Variants in KCNQ2 observed in about 807,000 individuals in gnomAD.
KCNQ2 encodes potassium voltage-gated channel subfamily Q member 2, also known as potassium voltage-gated channel subfamily KQT member 2.
A neutral mutation model predicts 84.8 loss-of-function variants in KCNQ2; 14 were observed. That is an observed-to-expected ratio of 0.17 (90% CI 0.11 to 0.26). The LOEUF is 0.26. Among genes scored for constraint, KCNQ2 ranks in the 10% least tolerant of loss-of-function variants. The pLI is 1.00. For missense variants in KCNQ2, 788 were observed against 1,254.0 expected (o/e 0.63, Z 5.61); for synonymous variants, 599 against 554.1 (o/e 1.08, Z -1.14).
intron 8 of KCNQ2, among the ~76,000 whole-genome samples, chr20:63,433,162 A>AAC (rs1208837498): frequency 1.3e-5 from 2 of 152,180 alleles, no homozygotes; most frequent in African/African-American, 2.4e-5. Context: ...AAAACAAAAA[A>AAC]ACACGGGAAA....
chr20:63,411,326 C>A (rs939450620), intron 15 of KCNQ2, among the ~76,000 whole-genome samples: 1 of 152,218 alleles, frequency 6.6e-6, no homozygotes. Flanking sequence ...TGGCCAGGCC[C>A]ACCCCCACAG....
intron 1 of KCNQ2, among the ~76,000 whole-genome samples, chr20:63,467,381 G>A (rs571210766): frequency 3.3e-5 from 5 of 152,304 alleles, no homozygotes; most frequent in East Asian, 3.9e-4. Flanking sequence ...GCTGCGGAAC[G>A]TCATTCCTAC....
chr20:63,406,647 C>T lies in KCNQ2; in HGVS notation c.2616G>A (p.Lys872=), dbSNP rs1204643947. The change falls in exon 17 of 17, where the codon AAG becomes AAA. Residue 872 remains lysine (K), a synonymous_variant. Transcript: ENST00000359125. ...FGDVGWAGPR[K] ...GGTCCACTGGCCCAGCGCCGCCTCA[C>T]TTCCTGGGCCCGGCCCAGCCCACGT... is the stretch of plus-strand genomic sequence containing the variant. The T allele has an allele frequency of 6.3e-6, 10 of 1,590,524 alleles. No individual in the cohort carries two copies. The highest frequency in any genetic ancestry group is 1.3e-5 in the African/African-American group (1 of 74,592).
chr20:63,439,769 G>A (rs1250616435), intron 5 of KCNQ2, 61 bp from the exon 6 acceptor site: 19 of 1,304,316 alleles, frequency 1.5e-5, no homozygotes, highest in Middle Eastern at 1.8e-4. Flanking sequence ...GGGCAGGCTG[G>A]ACGCCCGCTG....
At chr20:63,454,891 C>G (rs1568960094) in intron 1 of KCNQ2, among the ~76,000 whole-genome samples, 1 of 152,232 alleles carries the variant, frequency 6.6e-6, no homozygotes, top group Non-Finnish European at 1.5e-5. Flanking sequence ...CTGCCAGAGG[C>G]CTCTCGGGAC....
chr20:63,440,647 G>A (rs533296020), intron 5 of KCNQ2, among the ~76,000 whole-genome samples: 2 of 152,330 alleles, frequency 1.3e-5, no homozygotes, highest in East Asian at 3.9e-4. Flanking sequence ...CCTCTCACCA[G>A]GACCTGCAGC....
intron 4 of KCNQ2, among the ~76,000 whole-genome samples, chr20:63,443,343 T>TCAC (rs1568937312): frequency 1.4e-4 from 1 of 7,320 alleles, no homozygotes; most frequent in East Asian, 2.3e-3. Flanking sequence ...ATCACCACCA[T>TCAC]CACCACCACC....
chr20:63,456,774 C>A (rs542342519), intron 1 of KCNQ2, among the ~76,000 whole-genome samples: 3 of 152,362 alleles, frequency 2.0e-5, no homozygotes, highest in African/African-American at 7.2e-5. Context: ...CACCATGCAC[C>A]CCTCTCCCAC....
intron 10 of KCNQ2, 136 bp from the exon 11 acceptor site, chr20:63,424,342 G>T: frequency 9.4e-7 from 1 of 1,064,848 alleles, no homozygotes; most frequent in Non-Finnish European, 1.4e-6. Flanking sequence ...CTGGGCAGGG[G>T]TGGAGCTGGC....
chr20:63,426,624 T>C (rs1440754104), intron 10 of KCNQ2, among the ~76,000 whole-genome samples: 1 of 152,138 alleles, frequency 6.6e-6, no homozygotes, highest in Admixed American at 6.6e-5. Context: ...CACACTTTGC[T>C]TGGAAATCTT....
At chr20:63,458,173 C>T (rs372659615) in intron 1 of KCNQ2, among the ~76,000 whole-genome samples, 3 of 152,140 alleles carry the variant, frequency 2.0e-5, no homozygotes, top group East Asian at 1.9e-4. Context: ...CATGCCCCGG[C>T]TACCCACTCT....
chr20:63,458,564 C>T (rs1476515556), intron 1 of KCNQ2, among the ~76,000 whole-genome samples: 1 of 152,166 alleles, frequency 6.6e-6, no homozygotes, highest in African/African-American at 2.4e-5. Flanking sequence ...CCCGGGCAGC[C>T]CCCAAGTCTC....
intron 1 of KCNQ2, among the ~76,000 whole-genome samples, chr20:63,455,757 T>C (rs915892557): frequency 2.6e-5 from 4 of 151,742 alleles, no homozygotes; most frequent in African/African-American, 9.7e-5. Flanking sequence ...AAAACTCCTC[T>C]ACTCACGGGG....
At chr20:63,455,002 T>A (rs1211252341) in intron 1 of KCNQ2, among the ~76,000 whole-genome samples, 1 of 152,140 alleles carries the variant, frequency 6.6e-6, no homozygotes, top group Non-Finnish European at 1.5e-5. Flanking sequence ...AGCTGAGGTC[T>A]CGCTGGCTCG....
chr20:63,426,418 A>C (rs918379171), intron 10 of KCNQ2, among the ~76,000 whole-genome samples: 2 of 151,724 alleles, frequency 1.3e-5, no homozygotes, highest in Non-Finnish European at 2.9e-5. Context: ...CTCCTAATTT[A>C]AGACCCTTTG....
At position 63,401,040 on chromosome 20, in the gene KCNQ2, T is replaced by C; in HGVS notation, c.*5604A>G. ...CCTGGTAGCCCCGGGGACCGGCCCC[T>C]CCTTGCTGGCGCCTGGCCGAGAGTC... On this transcript the variant is annotated 3_prime_UTR_variant, in exon 17 of 17. Transcript: ENST00000359125. The C allele has an allele frequency of 2.5e-6, 1 of 395,928 alleles. No homozygotes were observed. 24.5% of individuals were successfully genotyped at this position (395,928 alleles called of 1,614,324 possible).
At chr20:63,441,054 G>A (rs868294261) in intron 5 of KCNQ2, among the ~76,000 whole-genome samples, 5 of 147,668 alleles carry the variant, frequency 3.4e-5, no homozygotes, top group Middle Eastern at 3.4e-3. Context: ...TGCAAGCTCC[G>A]CCTCCCAGGT....
At chr20:63,418,897 C>T (rs573303377) in intron 12 of KCNQ2, among the ~76,000 whole-genome samples, 6 of 152,316 alleles carry the variant, frequency 3.9e-5, no homozygotes, top group Admixed American at 1.3e-4. Context: ...GCACCACCGG[C>T]GGCATGCACA....
At position 63,460,599 on chromosome 20, in the gene KCNQ2, C is replaced by T. The variant is rs540303248; in HGVS notation, c.296+11569G>A. ...TCGGCCTCCACTTGCACACCTCCGG[C>T]GACGGAGGGCTCACCCCACAGAAAG... On this transcript the variant is annotated intron_variant, in intron 1 of 16. Coordinates refer to ENST00000359125, the MANE Select transcript of KCNQ2 (RefSeq NM_172107.4). This position sits in a 1 kb window ranked among gnomAD's most constrained non-coding sequence, Gnocchi z 5.4. Among the ~76,000 whole-genome samples, 65 of 152,318 alleles carry T rather than the reference C, an allele frequency of 4.3e-4. No individual in the cohort carries two copies. The highest frequency in any genetic ancestry group is 1.6e-3 in the African/African-American group (65 of 41,568).
Sources: gnomAD v4.1 joint callset for allele counts (sites outside exome capture counted in the v4.1 genomes callset) on GRCh38, gnomAD v4.1.1 for gene constraint, Gnocchi (gnomAD v3.1) non-coding constraint, MANE v1.5 for transcripts, NCBI Gene and HGNC (gene_info 2026-07-23, HGNC 2026-07-21) for gene names.